PLEKHA4: variants seen among roughly 807,000 people sequenced by gnomAD.
PLEKHA4 encodes the protein pleckstrin homology domain-containing family A member 4.
PLEKHA4 carries 73 observed loss-of-function variants against 94.7 expected under a neutral mutation model. The observed-to-expected ratio is 0.77, with a 90% CI of 0.64 to 0.94. The LOEUF is 0.94. PLEKHA4 is among the 40% of genes least tolerant of loss of function. The pLI is 0.00. For synonymous variants in PLEKHA4, 449 were observed against 437.1 expected (o/e 1.03, Z -0.34); for missense variants, 1,049 against 1,054.1 (o/e 1.00, Z 0.07).
chr19:48,853,851 G>C lies in PLEKHA4; in HGVS notation c.1177-20C>G. The C allele has an allele frequency of 1.3e-6, 2 of 1,595,154 alleles. No individual in the cohort carries two copies. Among genetic ancestry groups the C allele is most frequent in the Middle Eastern group, 1.7e-4 (1 of 5,948 alleles). ...TTGCTCCTGCACCAAGACAGAAGGT[G>C]GTTAGACTTCAGAAGCCATGCCTAG... On this transcript the variant is annotated intron_variant, in intron 11 of 19. Transcript: ENST00000263265.
At chr19:48,853,505 A>C (rs1044894930) in intron 12 of PLEKHA4, among the ~76,000 whole-genome samples, 177 bp downstream of exon 12, 1 of 149,690 alleles carries the variant, frequency 6.7e-6, no homozygotes, top group Non-Finnish European at 1.5e-5. Flanking sequence ...TCCCCCCCAA[A>C]AAAAAAAAAA....
At position 48,857,697 on chromosome 19, in the gene PLEKHA4, A is replaced by G. The variant is rs563663570; in HGVS notation, c.973-201T>C. Among the ~76,000 whole-genome samples, 26 of 151,222 alleles carry G rather than the reference A, an allele frequency of 1.7e-4. No homozygotes were observed. In the South Asian group the frequency reaches 4.9e-3, roughly 28 times the overall value. ...AGGGCAGTGCAAGATGTGCTTTGTT[A>G]AACAGATGCTTGAAGGCAGCATGCT... On this transcript the variant is annotated intron_variant, in intron 8 of 19. Coordinates refer to ENST00000263265, the MANE Select transcript of PLEKHA4 (RefSeq NM_020904.3).
chr19:48,861,048 A>T (rs1215564850), intron 5 of PLEKHA4, among the ~76,000 whole-genome samples: 1 of 152,018 alleles, frequency 6.6e-6, no homozygotes, highest in Non-Finnish European at 1.5e-5. Flanking sequence ...CTCTACTAAA[A>T]ATACAAAAAA....
chr19:48,860,617 C>T (rs2036599239), intron 5 of PLEKHA4, among the ~76,000 whole-genome samples, 158 bp from the exon 6 acceptor site: 1 of 151,862 alleles, frequency 6.6e-6, no homozygotes, highest in Admixed American at 6.6e-5. Flanking sequence ...ACACCCCCCT[C>T]CACCTCCTTC....
intron 3 of PLEKHA4, among the ~76,000 whole-genome samples, chr19:48,862,372 T>C (rs2123152697): frequency 6.6e-6 from 1 of 150,824 alleles, no homozygotes; most frequent in Non-Finnish European, 1.5e-5. Context: ...AGCTAATTTT[T>C]GTATTTTTAG....
chr19:48,866,977 C>T (rs1016179108), intron 2 of PLEKHA4, among the ~76,000 whole-genome samples: 1 of 152,122 alleles, frequency 6.6e-6, no homozygotes, highest in African/African-American at 2.4e-5. Context: ...ATATGCCCTT[C>T]CTTGGAAGCG....
At chr19:48,858,641 A>T (rs1285931586) in intron 8 of PLEKHA4, among the ~76,000 whole-genome samples, 1 of 150,336 alleles carries the variant, frequency 6.7e-6, no homozygotes, top group Non-Finnish European at 1.5e-5. Flanking sequence ...AAAAAAAAAA[A>T]AAAGCAATGG....
chr19:48,853,175 T>TATTCATTC lies in PLEKHA4; in HGVS notation c.1326+499_1326+506dup, dbSNP rs35413065. On this transcript the variant is annotated intron_variant, in intron 12 of 19. Coordinates refer to ENST00000263265, the MANE Select transcript of PLEKHA4 (RefSeq NM_020904.3). Reference sequence around the variant, plus strand: ...AGTACCAAGTACCTTAAGTGTTAAATATTCATTCATTCATTCATTCATTCA... The same window carrying TATTCATTC: ...AGTACCAAGTACCTTAAGTGTTAAATATTCATTCATTCATTCATTCATTCATTCATTCA... 6.5e-3 allele frequency among the ~76,000 whole-genome samples: 986 copies of TATTCATTC among 151,444 alleles called. 9 individuals carry two copies. Among genetic ancestry groups the TATTCATTC allele is most frequent in the African/African-American group, 0.023 (930 of 40,982 alleles).
At chr19:48,853,646 C>G in intron 12 of PLEKHA4, 36 bp downstream of exon 12, 1 of 1,476,276 alleles carries the variant, frequency 6.8e-7, no homozygotes, top group Non-Finnish European at 9.0e-7. Context: ...AGTCCTGGGG[C>G]CTCCTAGGAG....
chr19:48,864,379 G>C (rs1424175846), intron 3 of PLEKHA4, among the ~76,000 whole-genome samples: 1 of 151,836 alleles, frequency 6.6e-6, no homozygotes, highest in East Asian at 1.9e-4. Flanking sequence ...TGTTGACCAG[G>C]CTGGTCTTGA....
intron 3 of PLEKHA4, among the ~76,000 whole-genome samples, chr19:48,862,204 C>CTTTTTTTT (rs747491446): frequency 4.3e-4 from 58 of 135,518 alleles, no homozygotes; most frequent in Non-Finnish European, 7.4e-4. Flanking sequence ...TTTTCTCTCT[C>CTTTTTTTT]TTTTTTTTTT....
chr19:48,844,123 TTATTATTA>T (rs577520065), intron 16 of PLEKHA4, among the ~76,000 whole-genome samples: 497 of 16,806 alleles, frequency 0.03, 2 homozygotes, highest in African/African-American at 0.1. Context: ...ATTTATTTTA[TTATTATTA>T]TTATTATTAT....
At chr19:48,857,355 C>T in intron 9 of PLEKHA4, 67 bp downstream of exon 9, 1 of 695,650 alleles carries the variant, frequency 1.4e-6, no homozygotes, top group Non-Finnish European at 2.5e-6. Flanking sequence ...CAAGAGATGA[C>T]ATTCCTCATA....
At position 48,865,378 on chromosome 19, in the gene PLEKHA4, C is replaced by T. The variant is rs965839866; in HGVS notation, c.192+125G>A. 16 of 636,542 alleles carry T rather than the reference C, an allele frequency of 2.5e-5. No individual in the cohort carries two copies. The Middle Eastern group carries it at 7.6e-4, about 30-fold the overall frequency. 39.4% of individuals were successfully genotyped at this position (636,542 alleles called of 1,614,324 possible). ...AAATAAACAAACAAACAAACAATGACGGACTAAGGGGAGGGGCAGTGATAG... is the reference window on the plus strand; with the variant it reads ...AAATAAACAAACAAACAAACAATGATGGACTAAGGGGAGGGGCAGTGATAG... On this transcript the variant is annotated intron_variant, in intron 3 of 19. Coordinates refer to ENST00000263265, the MANE Select transcript of PLEKHA4 (RefSeq NM_020904.3).
Position 48,859,139 on chromosome 19 carries a change from G to A in PLEKHA4, c.693C>T (p.Asp231=), listed in dbSNP as rs536673885. The change falls in exon 8 of 20, where the codon GAC becomes GAT. Residue 231 remains aspartate, a splice_region_variant and synonymous_variant. Coordinates refer to ENST00000263265, the MANE Select transcript of PLEKHA4 (RefSeq NM_020904.3). ...GAGGGCGAGAGAGGGGGGTGAACAG[G>A]CTGTGGGAAGGAGAGAATCGGGGAA... ...GLQMRRARSP[D]LFTPLSRPPS... The A allele has an allele frequency of 2.6e-5, 39 of 1,521,030 alleles. No homozygotes were observed. Among genetic ancestry groups the A allele is most frequent in the Non-Finnish European group, 1.6e-5 (18 of 1,138,172 alleles). 94.2% of individuals were successfully genotyped at this position (1,521,030 alleles called of 1,614,324 possible). A position where few individuals can be genotyped will look rare whatever the true frequency, so the allele number is the denominator to read the frequency against.
At chr19:48,866,611 C>G (rs965477698) in intron 2 of PLEKHA4, among the ~76,000 whole-genome samples, 3 of 152,154 alleles carry the variant, frequency 2.0e-5, no homozygotes, top group Non-Finnish European at 2.9e-5. Context: ...CGGGCCGAGA[C>G]TCTTTTTTTG....
Position 48,868,474 on chromosome 19 carries a change from C to T in PLEKHA4, c.-398G>A, listed in dbSNP as rs2036907725. 6.6e-6 allele frequency: 1 copy of T among 152,028 alleles called. No individual in the cohort carries two copies. The highest frequency in any genetic ancestry group is 1.5e-5 in the Non-Finnish European group (1 of 68,086). 9.4% of individuals were successfully genotyped at this position (152,028 alleles called of 1,614,324 possible). On this transcript the variant is annotated 5_prime_UTR_variant, in exon 1 of 20. Coordinates refer to ENST00000263265, the MANE Select transcript of PLEKHA4 (RefSeq NM_020904.3). ...TCTCTCTCTCTCTCTCTCTGTCTCTCAGTCATCCCCTGTGTCCTCTCTCCT... is the reference window on the plus strand; with the variant it reads ...TCTCTCTCTCTCTCTCTCTGTCTCTTAGTCATCCCCTGTGTCCTCTCTCCT...
rs572172311 is a variant in PLEKHA4, at chr19:48,867,520, C to A, written c.84+17G>T. On this transcript the variant is annotated intron_variant, in intron 2 of 19. Coordinates refer to ENST00000263265, the MANE Select transcript of PLEKHA4 (RefSeq NM_020904.3). This position sits in a 1 kb window ranked among gnomAD's most constrained non-coding sequence, Gnocchi z 4.7. ...AGAGCCCCACCTTCCTCCCCATCCC[C>A]GCCAGGAAGCTCAAACCTTGGGGCT... The A allele has an allele frequency of 1.3e-6, 2 of 1,582,466 alleles. No homozygotes were observed. The highest frequency in any genetic ancestry group is 2.3e-5 in the East Asian group (1 of 43,928).
chr19:48,848,485 C>CA (rs5828364), intron 13 of PLEKHA4, among the ~76,000 whole-genome samples: 19,255 of 92,384 alleles, frequency 0.21, 2,226 homozygotes, highest in African/African-American at 0.36. Context: ...GACTCCGTCT[C>CA]AAAAAAAAAA....
Sources: allele counts gnomAD v4.1 joint callset (sites outside exome capture counted in the v4.1 genomes callset), GRCh38; gene constraint gnomAD v4.1.1; non-coding constraint Gnocchi (gnomAD v3.1); transcripts MANE v1.5; gene names NCBI Gene and HGNC (gene_info 2026-07-23, HGNC 2026-07-21).